The following JAKMIP1 variants were observed in gnomAD, a reference collection of about 807,000 sequenced individuals.
JAKMIP1 encodes the protein janus kinase and microtubule-interacting protein 1.
In JAKMIP1, 33 loss-of-function variants were observed where a neutral mutation model predicts 113.0. The ratio of observed to expected loss-of-function variants is 0.29; its 90% CI spans 0.22 to 0.39. JAKMIP1 has a LOEUF of 0.39. Among genes scored for constraint, JAKMIP1 ranks in the 10% least tolerant of loss-of-function variants. The probability of loss-of-function intolerance (pLI) is 1.00; values close to 1 mark genes in which losing one functional copy is unlikely to be tolerated. For missense variants in JAKMIP1, 813 were observed against 1,080.5 expected, an observed-to-expected ratio of 0.75 and a Z score of 3.47; for synonymous variants, 480 against 459.9, an observed-to-expected ratio of 1.04 and a Z score of -0.56.
chr4:6,030,490 C>A (rs563103498), intron 19 of JAKMIP1, among the ~76,000 whole-genome samples: 1 of 152,298 alleles, frequency 6.6e-6, no homozygotes, highest in East Asian at 1.9e-4. Flanking sequence ...CCGATCATTC[C>A]TTCCCATCCC....
In JAKMIP1 at chr4:6,076,209, T is replaced by C. The variant is rs1457525278; in HGVS notation, c.1302+2730A>G. On this transcript the variant is annotated intron_variant, in intron 8 of 20. Coordinates refer to ENST00000409021, the MANE Select transcript of JAKMIP1 (RefSeq NM_001099433.2). This position sits in a 1 kb window ranked among gnomAD's most constrained non-coding sequence, Gnocchi z 4.8. ...ATTAGTAAATAAATAAAAAATAAAA[T>C]AAACAAACAAACAAATAAATATAGA... is the stretch of plus-strand genomic sequence containing the variant. Among the ~76,000 whole-genome samples the C allele has an allele frequency of 2.0e-5, 3 of 151,934 alleles. No individual in the cohort carries two copies. The highest frequency in any genetic ancestry group is 4.4e-5 in the Non-Finnish European group (3 of 67,982).
At position 6,057,293 on chromosome 4, in the gene JAKMIP1, G is replaced by A. The variant is rs550586079; in HGVS notation, c.1645-534C>T. On this transcript the variant is annotated intron_variant, in intron 11 of 20. Transcript: ENST00000409021. ...GGGACAGGGGGACTCTGTGAATCCC[G>A]GAATGGATGGATGAAGGAATAAGTA... Among the ~76,000 whole-genome samples, 8 of 152,324 alleles carry A rather than the reference G, an allele frequency of 5.3e-5. No individual in the cohort carries two copies. In the South Asian group the frequency reaches 6.2e-4, roughly 12 times the overall value.
chr4:6,131,434 A>G (rs1718508744), intron 1 of JAKMIP1, among the ~76,000 whole-genome samples: 1 of 151,786 alleles, frequency 6.6e-6, no homozygotes, highest in African/African-American at 2.4e-5. Context: ...GTAGAGATAA[A>G]GAAAAGATAC....
intron 3 of JAKMIP1, among the ~76,000 whole-genome samples, chr4:6,095,568 A>G (rs6832745): frequency 0.29 from 43,443 of 152,018 alleles, 6,573 homozygotes; most frequent in East Asian, 0.41. Flanking sequence ...CCAAGTCCCT[A>G]TAGCTTGTCA....
At position 6,050,846 on chromosome 4, in the gene JAKMIP1, A is replaced by G. The variant is rs1239216840; in HGVS notation, c.1807-167T>C. On this transcript the variant is annotated intron_variant, in intron 13 of 20. Coordinates refer to ENST00000409021, the MANE Select transcript of JAKMIP1 (RefSeq NM_001099433.2). This position sits in a 1 kb window ranked among gnomAD's most constrained non-coding sequence, Gnocchi z 7.4. ...CTCGTCCGTGAGCTACGACGTTTTC[A>G]CGCCTTCCCACGCAGCAGTTCTCCA... Among the ~76,000 whole-genome samples the G allele has an allele frequency of 6.6e-6, 1 of 152,198 alleles. No individual in the cohort carries two copies. The highest frequency in any genetic ancestry group is 1.5e-5 in the Non-Finnish European group (1 of 68,044).
At chr4:6,121,876 C>T (rs1459915560) in intron 1 of JAKMIP1, among the ~76,000 whole-genome samples, 2 of 152,224 alleles carry the variant, frequency 1.3e-5, no homozygotes, top group Admixed American at 1.3e-4. Context: ...GTGGGCATCA[C>T]TCTGCCAGCT....
rs1167553495 is a variant in JAKMIP1, at chr4:6,197,370, G to C, written c.-148+2883C>G. The stretch of plus-strand genomic sequence containing the variant: ...GGCGTGGGAGTTTGCTCTGTGACAA[G>C]GCTAAATGAATAAATATTCTCATAG... On this transcript the variant is annotated intron_variant, in intron 1 of 20. Coordinates refer to ENST00000409021, the MANE Select transcript of JAKMIP1 (RefSeq NM_001099433.2). This position sits in a 1 kb window ranked among gnomAD's most constrained non-coding sequence, Gnocchi z 6.5. 6.6e-6 allele frequency among the ~76,000 whole-genome samples: 1 copy of C among 152,130 alleles called. No homozygotes were observed. The highest frequency in any genetic ancestry group is 6.5e-5 in the Admixed American group (1 of 15,284).
chr4:6,173,482 CCA>C, intron 1 of JAKMIP1, among the ~76,000 whole-genome samples: 1 of 152,342 alleles, frequency 6.6e-6, no homozygotes, highest in East Asian at 1.9e-4. Context: ...CCTCAGGTGA[CCA>C]AGACCACAGG....
At position 6,199,767 on chromosome 4, in the gene JAKMIP1, T is replaced by G. The variant is rs1320915299; in HGVS notation, c.-148+486A>C. On this transcript the variant is annotated intron_variant, in intron 1 of 20. Coordinates refer to ENST00000409021, the MANE Select transcript of JAKMIP1 (RefSeq NM_001099433.2). This position sits in a 1 kb window ranked among gnomAD's most constrained non-coding sequence, Gnocchi z 5.6. ...GGCGCGGCCCCCAGCTCCATCTTCT[T>G]TGCCACCTGGGCGGAGATCTGGGGG... is the stretch of plus-strand genomic sequence containing the variant. 1.3e-5 allele frequency among the ~76,000 whole-genome samples: 2 copies of G among 150,660 alleles called. No homozygotes were observed. The highest frequency in any genetic ancestry group is 3.0e-5 in the Non-Finnish European group (2 of 67,476).
At chr4:6,159,867 A>T (rs1267162725) in intron 1 of JAKMIP1, among the ~76,000 whole-genome samples, 1 of 152,328 alleles carries the variant, frequency 6.6e-6, no homozygotes, top group East Asian at 1.9e-4. Flanking sequence ...TAAATAAATC[A>T]TAGTATATCC....
chr4:6,039,177 C>G (rs955828457), intron 18 of JAKMIP1, among the ~76,000 whole-genome samples: 1 of 152,188 alleles, frequency 6.6e-6, no homozygotes, highest in East Asian at 1.9e-4. Flanking sequence ...TCTGCAGATT[C>G]AGCATTCTTA....
rs1445181871 is a variant in JAKMIP1, at chr4:6,085,419, C to T, written c.834+1G>A. ...GGCTGGCACAAGCTGCTGCCCCTCA[C>T]CTGGACGCCCATGAGCTCCACCATG... is the stretch of plus-strand genomic sequence containing the variant. On this transcript the variant is annotated splice_donor_variant, in intron 4 of 20. Coordinates refer to ENST00000409021, the MANE Select transcript of JAKMIP1 (RefSeq NM_001099433.2). LOFTEE classifies it high-confidence loss of function. 6.2e-7 allele frequency: 1 copy of T among 1,612,106 alleles called. No homozygotes were observed. The highest frequency in any genetic ancestry group is 2.2e-5 in the East Asian group (1 of 44,882).
At position 6,106,067 on chromosome 4, in the gene JAKMIP1, C is replaced by G. The variant is rs973225112; in HGVS notation, c.130-100G>C. 14 of 765,508 alleles carry G rather than the reference C, an allele frequency of 1.8e-5. No individual in the cohort carries two copies. Among genetic ancestry groups the G allele is most frequent in the Non-Finnish European group, 2.9e-5 (14 of 482,792 alleles). 47.4% of individuals were successfully genotyped at this position (765,508 alleles called of 1,614,324 possible). A position where few individuals can be genotyped will look rare whatever the true frequency, so the allele number is the denominator to read the frequency against. On this transcript the variant is annotated intron_variant, in intron 2 of 20. Coordinates refer to ENST00000409021, the MANE Select transcript of JAKMIP1 (RefSeq NM_001099433.2). The surrounding 1 kb of genome is among the most constrained non-coding windows in gnomAD (Gnocchi z 5.9). Reference sequence around the variant, plus strand: ...GGAGCTGGCCACAGCCTCCCCACGCCCAAGACACCCACCTGGGCCCACGTT... The same window carrying G: ...GGAGCTGGCCACAGCCTCCCCACGCGCAAGACACCCACCTGGGCCCACGTT...
chr4:6,062,437 T>C lies in JAKMIP1; in HGVS notation c.1435A>G (p.Thr479Ala), dbSNP rs765696326. The change falls in exon 10 of 21, where the codon ACA becomes GCA. Residue 479 changes from threonine (T) to alanine (A), a missense_variant. Physicochemically the swap from Thr to Ala is moderately conservative, Grantham distance 58. Around this residue, in one of 2 missense-constraint regions of JAKMIP1, gnomAD observed 540 missense variants for 653.9 expected, o/e 0.83. Coordinates refer to ENST00000409021, the MANE Select transcript of JAKMIP1 (RefSeq NM_001099433.2). ...ATPEEDLDDA[T>A]AREEADLRFC... ...CGCAGGTCAGCCTCCTCTCGGGCTGTGGCCTTCACATAATGGAGAAGAAAA... is the reference window on the plus strand; with the variant it reads ...CGCAGGTCAGCCTCCTCTCGGGCTGCGGCCTTCACATAATGGAGAAGAAAA... 87 of 1,612,504 alleles carry C rather than the reference T, an allele frequency of 5.4e-5. No individual in the cohort carries two copies. Among genetic ancestry groups the C allele is most frequent in the Non-Finnish European group, 7.2e-5 (85 of 1,179,008 alleles).
chr4:6,105,812 G>A lies in JAKMIP1; in HGVS notation c.285C>T (p.His95=), dbSNP rs754648450. 4 of 1,610,114 alleles carry A rather than the reference G, an allele frequency of 2.5e-6. No homozygotes were observed. Among genetic ancestry groups the A allele is most frequent in the Admixed American group, 1.7e-5 (1 of 60,000 alleles). The change falls in exon 3 of 21, where the codon CAC becomes CAT. Residue 95 remains histidine, a synonymous_variant. Coordinates refer to ENST00000409021, the MANE Select transcript of JAKMIP1 (RefSeq NM_001099433.2). ...TGGCGGTGCGCGCCGCCTCCTGCTCGTGCTGCCGGATGAGCCCCTCGCGCA... is the reference window on the plus strand; with the variant it reads ...TGGCGGTGCGCGCCGCCTCCTGCTCATGCTGCCGGATGAGCCCCTCGCGCA... ...QALREGLIRQ[H]EQEAARTAKI... is the part of the protein sequence containing the mutation.
rs1715740962 is a variant in JAKMIP1, at chr4:6,116,141, A to G, written c.-147-3144T>C. On this transcript the variant is annotated intron_variant, in intron 1 of 20. Coordinates refer to ENST00000409021, the MANE Select transcript of JAKMIP1 (RefSeq NM_001099433.2). The surrounding 1 kb of genome is among the most constrained non-coding windows in gnomAD (Gnocchi z 5.1). ...ATGTCCAAAGTTCTGGGCCAAGTCA[A>G]TCTCGGAGCTCAGGGTGGGCCCCAG... Among the ~76,000 whole-genome samples, 1 of 152,044 alleles carries G rather than the reference A, an allele frequency of 6.6e-6. No individual in the cohort carries two copies. Among genetic ancestry groups the G allele is most frequent in the Admixed American group, 6.6e-5 (1 of 15,264 alleles).
Position 6,113,781 on chromosome 4 carries a change from T to C in JAKMIP1, c.-147-784A>G, listed in dbSNP as rs1372772650. On this transcript the variant is annotated intron_variant, in intron 1 of 20. Coordinates refer to ENST00000409021, the MANE Select transcript of JAKMIP1 (RefSeq NM_001099433.2). Reference sequence around the variant, plus strand: ...TCGTTTTCCATCTGACAAACTGTAATTGACTTAGTTCTCATCTATGTCCCC... The same window carrying C: ...TCGTTTTCCATCTGACAAACTGTAACTGACTTAGTTCTCATCTATGTCCCC... Among the ~76,000 whole-genome samples the C allele has an allele frequency of 3.3e-5, 5 of 152,022 alleles. No individual in the cohort carries two copies. The East Asian group carries it at 9.7e-4, about 30-fold the overall frequency.
chr4:6,048,747 C>T (rs543520070), intron 16 of JAKMIP1, 110 bp downstream of exon 16: 86 of 856,884 alleles, frequency 1.0e-4, no homozygotes, highest in South Asian at 7.0e-4. Context: ...CAGACGCAGA[C>T]GGACTGGAAC....
In JAKMIP1 at chr4:6,199,144, AAAGGCC is replaced by A. The variant is rs1222548480; in HGVS notation, c.-148+1103_-148+1108del. On this transcript the variant is annotated intron_variant, in intron 1 of 20. Transcript: ENST00000409021. The surrounding 1 kb of genome is among the most constrained non-coding windows in gnomAD (Gnocchi z 5.6). Reference sequence around the variant, plus strand: ...TTCGCGGAGAGAGCACAGCACTGGCAAAGGCCAAGGACAGTGTGCCTGCGAGTGTGC... The same window carrying A: ...TTCGCGGAGAGAGCACAGCACTGGCAAAGGACAGTGTGCCTGCGAGTGTGC... Among the ~76,000 whole-genome samples the A allele has an allele frequency of 1.3e-5, 2 of 152,266 alleles. No individual in the cohort carries two copies. Among genetic ancestry groups the A allele is most frequent in the African/African-American group, 4.8e-5 (2 of 41,478 alleles).
Sources: allele counts gnomAD v4.1 joint callset (sites outside exome capture counted in the v4.1 genomes callset), GRCh38; gene constraint gnomAD v4.1.1; regional missense constraint gnomAD v4.1.1; non-coding constraint Gnocchi (gnomAD v3.1); transcripts MANE v1.5; gene names NCBI Gene and HGNC (gene_info 2026-07-23, HGNC 2026-07-21).